Variants in MELK observed in about 807,000 individuals in gnomAD.
MELK encodes pEg3 kinase.
Under a neutral mutation model 85.0 loss-of-function variants are expected in MELK, and 81 were observed. The observed-to-expected ratio is 0.95, with a 90% CI of 0.80 to 1.15. The LOEUF (loss-of-function observed/expected upper bound fraction) is 1.15, where lower values mean the gene tolerates loss of function less well. MELK is among the 50% of genes most tolerant of loss of function. The probability of loss-of-function intolerance (pLI) is 0.00; values close to 1 mark genes in which losing one functional copy is unlikely to be tolerated. For synonymous variants in MELK, 252 were observed against 265.0 expected, an observed-to-expected ratio of 0.95 and a Z score of 0.48; for missense variants, 754 against 777.5, an observed-to-expected ratio of 0.97 and a Z score of 0.36.
intron 8 of MELK, among the ~76,000 whole-genome samples, chr9:36,617,445 GC>G (rs1564168011): frequency 1.3e-5 from 2 of 151,768 alleles, no homozygotes; most frequent in East Asian, 3.9e-4. Flanking sequence ...TGATCCTCCA[GC>G]CTCAGCCTCC....
chr9:36,586,811 G>C (rs1323431595), intron 3 of MELK, among the ~76,000 whole-genome samples: 1 of 151,998 alleles, frequency 6.6e-6, no homozygotes, highest in East Asian at 1.9e-4. Flanking sequence ...GCTCATTTTA[G>C]TTATTTTCTA....
chr9:36,615,468 T>C (rs1383933738), intron 8 of MELK, among the ~76,000 whole-genome samples: 4 of 120,510 alleles, frequency 3.3e-5, no homozygotes, highest in East Asian at 2.7e-4. Flanking sequence ...CCCTCCCGGA[T>C]GGGGCGGCTG....
chr9:36,607,723 A>G, intron 8 of MELK, 50 bp downstream of exon 8: 1 of 1,196,062 alleles, frequency 8.4e-7, no homozygotes, highest in Non-Finnish European at 1.2e-6. Flanking sequence ...TCTATACCGA[A>G]TAGTATATGC....
At chr9:36,618,178 A>C (rs1479796909) in intron 8 of MELK, among the ~76,000 whole-genome samples, 1 of 151,890 alleles carries the variant, frequency 6.6e-6, no homozygotes, top group Non-Finnish European at 1.5e-5. Context: ...GCACTTTGGG[A>C]AGCTGAGGTG....
chr9:36,666,903 G>A (rs542211587), intron 14 of MELK, among the ~76,000 whole-genome samples: 2,044 of 133,938 alleles, frequency 0.015, 46 homozygotes, highest in African/African-American at 0.053. Flanking sequence ...GTGTGTGTGT[G>A]TGTGATGGTG....
At chr9:36,609,031 G>T (rs1825836784) in intron 8 of MELK, among the ~76,000 whole-genome samples, 1 of 152,104 alleles carries the variant, frequency 6.6e-6, no homozygotes, top group East Asian at 1.9e-4. Flanking sequence ...TTGGCTTCAG[G>T]TTATAATAAA....
At chr9:36,593,784 C>T (rs71531231) in intron 4 of MELK, among the ~76,000 whole-genome samples, 2 of 152,064 alleles carry the variant, frequency 1.3e-5, no homozygotes, top group East Asian at 1.9e-4. Flanking sequence ...CTCTGCCTCC[C>T]GGGTTCAAGC....
At chr9:36,670,764 A>C (rs1439695914) in intron 15 of MELK, among the ~76,000 whole-genome samples, 2 of 151,088 alleles carry the variant, frequency 1.3e-5, no homozygotes, top group Admixed American at 1.3e-4. Context: ...ATCCTTTTTT[A>C]AAAAGGAAGG....
chr9:36,630,397 T>A (rs778259581), intron 9 of MELK, 30 bp downstream of exon 9: 1 of 1,540,714 alleles, frequency 6.5e-7, no homozygotes, highest in Non-Finnish European at 8.9e-7. Flanking sequence ...AATAGAAGTC[T>A]ATTGTAATTG....
intron 9 of MELK, 118 bp from the exon 10 acceptor site, chr9:36,632,984 A>G: frequency 1.4e-6 from 1 of 728,102 alleles, no homozygotes; most frequent in Non-Finnish European, 2.3e-6. Context: ...CTTTGACAGC[A>G]TTTTTGTGAT....
intron 8 of MELK, among the ~76,000 whole-genome samples, chr9:36,629,549 A>T (rs1239573513): frequency 6.6e-6 from 1 of 152,108 alleles, no homozygotes; most frequent in South Asian, 2.1e-4. Flanking sequence ...TGTTTTGTGG[A>T]TGACCTGTTT....
At chr9:36,637,348 A>G (rs906075734) in intron 10 of MELK, among the ~76,000 whole-genome samples, 1 of 152,186 alleles carries the variant, frequency 6.6e-6, no homozygotes, top group African/African-American at 2.4e-5. Flanking sequence ...ACTATTTAAG[A>G]TATAAATGTA....
intron 8 of MELK, among the ~76,000 whole-genome samples, chr9:36,610,491 GA>G (rs1468493845): frequency 1.3e-5 from 2 of 152,220 alleles, no homozygotes; most frequent in Non-Finnish European, 2.9e-5. Flanking sequence ...CCGCTTTGGG[GA>G]CCCATGTGTG....
At chr9:36,617,650 GC>G (rs1459895889) in intron 8 of MELK, among the ~76,000 whole-genome samples, 6 of 152,070 alleles carry the variant, frequency 3.9e-5, no homozygotes, top group Non-Finnish European at 7.4e-5. Context: ...ATTTGGAAGG[GC>G]TTTTTGACTT....
intron 13 of MELK, among the ~76,000 whole-genome samples, chr9:36,661,572 TAAATAAAACAATGAAAC>T (rs1271890721): frequency 1.2e-4 from 19 of 152,206 alleles, no homozygotes; most frequent in Non-Finnish European, 2.5e-4. Context: ...ATTTCCTTAA[TAAATAAAACAATGAAAC>T]AAATAAAACA....
chr9:36,628,481 G>A (rs868571033), intron 8 of MELK, among the ~76,000 whole-genome samples: 5 of 151,494 alleles, frequency 3.3e-5, no homozygotes, highest in Non-Finnish European at 5.9e-5. Context: ...GTGCAGTGGC[G>A]TAATCTCAGC....
At chr9:36,594,422 GAAGA>G (rs1398641785) in intron 4 of MELK, among the ~76,000 whole-genome samples, 2 of 152,138 alleles carry the variant, frequency 1.3e-5, no homozygotes, top group Admixed American at 6.5e-5. Context: ...AAAACTGTTC[GAAGA>G]AAGAGTTATT....
chr9:36,656,996 C>T (rs61699341), intron 12 of MELK, among the ~76,000 whole-genome samples: 1,572 of 152,256 alleles, frequency 0.01, 36 homozygotes, highest in African/African-American at 0.035. Flanking sequence ...AGTACAGTAA[C>T]GTGCTACACA....
At chr9:36,666,776 A>G (rs929192634) in intron 14 of MELK, among the ~76,000 whole-genome samples, 1 of 150,240 alleles carries the variant, frequency 6.7e-6, no homozygotes, top group African/African-American at 2.5e-5. Context: ...TGTTAACGTC[A>G]TTTTCCATTT....
Sources: gnomAD v4.1 joint callset for allele counts (sites outside exome capture counted in the v4.1 genomes callset) on GRCh38, gnomAD v4.1.1 for gene constraint, MANE v1.5 for transcripts, NCBI Gene and HGNC (gene_info 2026-07-23, HGNC 2026-07-21) for gene names.